The following MAST2 variants were observed in gnomAD, a reference collection of about 807,000 sequenced individuals.
MAST2 encodes microtubule associated serine/threonine kinase 2.
A neutral mutation model predicts 147.4 loss-of-function variants in MAST2; 70 were observed. The observed-to-expected ratio is 0.47, with a 90% CI of 0.39 to 0.58. The LOEUF is 0.58. MAST2 is among the 20% of genes least tolerant of loss of function. The pLI is 0.00. For missense variants in MAST2, 2,080 were observed against 2,302.3 expected, an observed-to-expected ratio of 0.90 and a Z score of 1.98; for synonymous variants, 869 against 896.8, an observed-to-expected ratio of 0.97 and a Z score of 0.55.
intron 4 of MAST2, among the ~76,000 whole-genome samples, chr1:45,906,909 A>G (rs963219688): frequency 1.3e-5 from 2 of 151,804 alleles, no homozygotes; most frequent in African/African-American, 4.8e-5. Context: ...ATGTATTTTT[A>G]CTGTACCTTT....
At chr1:45,905,197 G>C (rs186551864) in intron 4 of MAST2, among the ~76,000 whole-genome samples, 2 of 137,064 alleles carry the variant, frequency 1.5e-5, no homozygotes, top group East Asian at 4.3e-4. Flanking sequence ...TTTTTTTTGA[G>C]GCAGAGTCTT....
chr1:45,983,668 G>T (rs1644502036), intron 5 of MAST2, among the ~76,000 whole-genome samples: 1 of 151,720 alleles, frequency 6.6e-6, no homozygotes, highest in South Asian at 2.1e-4. Context: ...ATTTTTTTTA[G>T]TTTTTGTAGA....
intron 1 of MAST2, among the ~76,000 whole-genome samples, chr1:45,814,685 G>A (rs976432448): frequency 5.9e-5 from 9 of 152,214 alleles, no homozygotes; most frequent in Non-Finnish European, 1.3e-4. Flanking sequence ...TACTTGGGAG[G>A]CTGAGGCAGG....
chr1:45,870,291 A>G (rs1646330746), intron 3 of MAST2, among the ~76,000 whole-genome samples: 1 of 151,956 alleles, frequency 6.6e-6, no homozygotes, highest in African/African-American at 2.4e-5. Context: ...TTTTTTCTCA[A>G]TTTATTTGAG....
chr1:45,919,535 GA>G (rs951109125), intron 4 of MAST2, among the ~76,000 whole-genome samples: 5 of 152,184 alleles, frequency 3.3e-5, no homozygotes, highest in African/African-American at 1.2e-4. Context: ...TTTGATACAG[GA>G]GCTTAAATTC....
At chr1:45,866,061 G>T (rs575294113) in intron 3 of MAST2, among the ~76,000 whole-genome samples, 2 of 152,202 alleles carry the variant, frequency 1.3e-5, no homozygotes, top group East Asian at 3.9e-4. Context: ...AAATTATCAT[G>T]AATTAACATT....
intron 1 of MAST2, among the ~76,000 whole-genome samples, chr1:45,808,040 G>A (rs1279543945): frequency 6.6e-6 from 1 of 152,010 alleles, no homozygotes; most frequent in Non-Finnish European, 1.5e-5. Context: ...CTCATGACAT[G>A]GAACAGTGCT....
chr1:45,868,065 A>G (rs1646232577), intron 3 of MAST2, among the ~76,000 whole-genome samples: 1 of 152,186 alleles, frequency 6.6e-6, no homozygotes, highest in African/African-American at 2.4e-5. Context: ...CATCTGGGAG[A>G]TTATGTGTGA....
At chr1:45,992,744 C>T (rs1237448117) in intron 5 of MAST2, among the ~76,000 whole-genome samples, 3 of 152,044 alleles carry the variant, frequency 2.0e-5, no homozygotes, top group Non-Finnish European at 2.9e-5. Flanking sequence ...ATCTAACAAG[C>T]TCTACCTTTT....
chr1:45,930,120 C>G (rs1347190816), intron 4 of MAST2, among the ~76,000 whole-genome samples: 1 of 152,156 alleles, frequency 6.6e-6, no homozygotes, highest in African/African-American at 2.4e-5. Context: ...TGGAATTTCT[C>G]TGTCGCCCAG....
intron 16 of MAST2, among the ~76,000 whole-genome samples, chr1:46,026,124 T>C (rs1230460946): frequency 6.6e-6 from 1 of 152,176 alleles, no homozygotes; most frequent in East Asian, 1.9e-4. Flanking sequence ...TGTCCTGACG[T>C]TTACTGACAT....
chr1:45,809,719 A>T (rs1316197216), intron 1 of MAST2, among the ~76,000 whole-genome samples: 1 of 152,182 alleles, frequency 6.6e-6, no homozygotes, highest in Non-Finnish European at 1.5e-5. Context: ...GTTTTTCCAC[A>T]TGGGATCCTA....
chr1:45,861,868 AC>A (rs1645992539), intron 3 of MAST2, among the ~76,000 whole-genome samples: 1 of 152,154 alleles, frequency 6.6e-6, no homozygotes, highest in Non-Finnish European at 1.5e-5. Flanking sequence ...AATTGTTCCT[AC>A]AAAGGGTACC....
At chr1:45,870,279 T>A (rs115976328) in intron 3 of MAST2, among the ~76,000 whole-genome samples, 71 of 152,296 alleles carry the variant, frequency 4.7e-4, no homozygotes, top group African/African-American at 1.7e-3. Flanking sequence ...GATATTGTTT[T>A]ATTTTTTCTC....
intron 3 of MAST2, among the ~76,000 whole-genome samples, chr1:45,843,655 A>G (rs1031953960): frequency 3.9e-5 from 6 of 152,196 alleles, no homozygotes; most frequent in Non-Finnish European, 8.8e-5. Flanking sequence ...AAGGATAGAT[A>G]ATGTTAGACA....
intron 4 of MAST2, among the ~76,000 whole-genome samples, chr1:45,907,608 A>T (rs1414387566): frequency 6.6e-6 from 1 of 152,010 alleles, no homozygotes; most frequent in African/African-American, 2.4e-5. Context: ...TTAAGTATAC[A>T]ATGTAATGAC....
At chr1:45,840,214 G>A (rs193015539) in intron 3 of MAST2, among the ~76,000 whole-genome samples, 1 of 152,312 alleles carries the variant, frequency 6.6e-6, no homozygotes, top group East Asian at 1.9e-4. Flanking sequence ...TAAAACTTGT[G>A]TTAAAGAGTT....
At chr1:46,000,557 T>C (rs1645234468) in intron 6 of MAST2, among the ~76,000 whole-genome samples, 1 of 152,180 alleles carries the variant, frequency 6.6e-6, no homozygotes, top group Admixed American at 6.5e-5. Context: ...TTTTTACCAC[T>C]GAGACCCAAA....
chr1:45,918,894 C>T (rs545354509), intron 4 of MAST2, among the ~76,000 whole-genome samples: 1 of 152,190 alleles, frequency 6.6e-6, no homozygotes, highest in South Asian at 2.1e-4. Flanking sequence ...GAGCGGATTG[C>T]TTGAGTTCAA....
Sources: allele counts gnomAD v4.1 joint callset (sites outside exome capture counted in the v4.1 genomes callset), GRCh38; gene constraint gnomAD v4.1.1; transcripts MANE v1.5; gene names NCBI Gene and HGNC (gene_info 2026-07-23, HGNC 2026-07-21).